The following SPON2 variants were observed in gnomAD, a reference collection of about 807,000 sequenced individuals.
SPON2 encodes spondin-2.
Under a neutral mutation model 29.9 loss-of-function variants are expected in SPON2, and 32 were observed. The ratio of observed to expected loss-of-function variants is 1.07; its 90% CI spans 0.81 to 1.44. The LOEUF (loss-of-function observed/expected upper bound fraction) is 1.44. SPON2 is among the 40% of genes most tolerant of loss of function. The pLI is 0.00. For synonymous variants in SPON2, 248 were observed against 209.1 expected (o/e 1.19, Z -1.61); for missense variants, 541 against 455.5 (o/e 1.19, Z -1.71).
At chr4:1,176,789 C>T (rs545109631), upstream of SPON2, among the ~76,000 whole-genome samples, 183 of 152,280 alleles carry the variant, frequency 1.2e-3, 1 homozygote, top group Non-Finnish European at 1.5e-3. Flanking sequence ...ATCATCCATT[C>T]ATACAGTACA....
At chr4:1,175,345 C>G (rs1408406512), upstream of SPON2, among the ~76,000 whole-genome samples, 1 of 152,254 alleles carries the variant, frequency 6.6e-6, no homozygotes, top group African/African-American at 2.4e-5. Flanking sequence ...CCAGGCTCAC[C>G]CAGTCTCACA....
At chr4:1,180,532 G>T (rs954515822) in intron 1 of SPON2, among the ~76,000 whole-genome samples, 1 of 152,174 alleles carries the variant, frequency 6.6e-6, no homozygotes, top group Non-Finnish European at 1.5e-5. Context: ...AATCGATAGA[G>T]ACTGTCATTG....
chr4:1,174,482 A>G (rs1178036969), upstream of SPON2, among the ~76,000 whole-genome samples: 9 of 91,978 alleles, frequency 9.8e-5, no homozygotes, highest in South Asian at 4.3e-3. Context: ...GCGAGACTCC[A>G]TCTCAAAAAA....
intron 1 of SPON2, among the ~76,000 whole-genome samples, chr4:1,206,291 G>A (rs916153014): frequency 2.0e-5 from 3 of 151,594 alleles, no homozygotes; most frequent in Admixed American, 1.3e-4. Context: ...GTCTGCGGGT[G>A]CCACTCACCC....
chr4:1,170,516 G>A lies in SPON2; in HGVS notation c.697C>T (p.Leu233=), dbSNP rs755812217. ...AGTGTCACCCTGGCGATGGGAGGCA[G>A]GGCCTTCAGCCGCGGGTAGTAGAAG... ...NSFYYPRLKA[L]PPIARVTLVR... The change falls in exon 5 of 6, where the codon CTG becomes TTG. Residue 233 remains leucine (L), a synonymous_variant. Coordinates refer to ENST00000290902, the MANE Select transcript of SPON2 (RefSeq NM_012445.4). 1 of 1,614,026 alleles carries A rather than the reference G, an allele frequency of 6.2e-7. No homozygotes were observed. The highest frequency in any genetic ancestry group is 8.5e-7 in the Non-Finnish European group (1 of 1,179,938).
rs1318536509 is a variant in SPON2, at chr4:1,167,174, CAT to C, written c.*296_*297del. The C allele has an allele frequency of 1.1e-4, 39 of 370,042 alleles. No homozygotes were observed. The highest frequency in any genetic ancestry group is 8.9e-5 in the Non-Finnish European group (18 of 203,202). The allele number at this position is 370,042 out of a possible 1,614,324, so 22.9% of individuals were successfully genotyped here. On this transcript the variant is annotated 3_prime_UTR_variant, in exon 6 of 6. Coordinates refer to ENST00000290902, the MANE Select transcript of SPON2 (RefSeq NM_012445.4). ...GGAGCAGCAATAACTTATAAGGAGACATAATTTAGAGTAGCTGGAGCCTTGGG... is the reference window on the plus strand; with the variant it reads ...GGAGCAGCAATAACTTATAAGGAGACAATTTAGAGTAGCTGGAGCCTTGGG...
intron 1 of SPON2, among the ~76,000 whole-genome samples, chr4:1,194,244 C>T (rs557859877): frequency 6.6e-6 from 1 of 152,286 alleles, no homozygotes; most frequent in Admixed American, 6.5e-5. Flanking sequence ...GGTGTGCGGG[C>T]CTCTTCTGCC....
intron 1 of SPON2, among the ~76,000 whole-genome samples, chr4:1,183,827 A>G (rs1250191489): frequency 6.6e-6 from 1 of 152,252 alleles, no homozygotes; most frequent in African/African-American, 2.4e-5. Context: ...AAGGGAAATG[A>G]GAAAGGAATT....
intron 1 of SPON2, among the ~76,000 whole-genome samples, chr4:1,191,159 A>G (rs1229271370): frequency 2.6e-5 from 4 of 152,046 alleles, no homozygotes; most frequent in Admixed American, 6.5e-5. Flanking sequence ...GATTGCCAAA[A>G]CTACCCAATA....
chr4:1,186,354 G>T (rs1471207314), intron 1 of SPON2, among the ~76,000 whole-genome samples: 1 of 151,746 alleles, frequency 6.6e-6, no homozygotes, highest in Non-Finnish European at 1.5e-5. Flanking sequence ...CCCAGGCTGG[G>T]GTGCAGTGGT....
At chr4:1,169,752 A>T (rs1293850145) in intron 5 of SPON2, 1 of 152,754 alleles carries the variant, frequency 6.5e-6, no homozygotes, top group Non-Finnish European at 1.5e-5. Context: ...TCCCACACCC[A>T]TATCAGGTGA....
intron 5 of SPON2, among the ~76,000 whole-genome samples, chr4:1,169,049 G>A (rs1727336484): frequency 6.6e-6 from 1 of 151,990 alleles, no homozygotes; most frequent in African/African-American, 2.4e-5. Context: ...TCCATGTCCT[G>A]CCTCCTGCTC....
chr4:1,182,620 A>G (rs1727719223), intron 1 of SPON2, among the ~76,000 whole-genome samples: 1 of 152,244 alleles, frequency 6.6e-6, no homozygotes, highest in Non-Finnish European at 1.5e-5. Flanking sequence ...ACAGGGCAAC[A>G]TATGCATTGG....
chr4:1,175,081 C>A (rs527965615), upstream of SPON2, among the ~76,000 whole-genome samples: 4 of 152,224 alleles, frequency 2.6e-5, no homozygotes, highest in Non-Finnish European at 4.4e-5. Context: ...AATCCACAGG[C>A]CTTTTTCCCA....
At chr4:1,186,078 A>C in intron 1 of SPON2, among the ~76,000 whole-genome samples, 1 of 139,194 alleles carries the variant, frequency 7.2e-6, no homozygotes, top group Admixed American at 7.7e-5. Context: ...CCCCATCTCT[A>C]CTAAAAATAC....
upstream of SPON2, among the ~76,000 whole-genome samples, chr4:1,176,610 CAG>C (rs201201164): frequency 0.019 from 2,919 of 151,390 alleles, 46 homozygotes; most frequent in Non-Finnish European, 0.025. Context: ...TCCATTCACA[CAG>C]TACATTCATG....
chr4:1,180,512 G>T (rs1030121867), intron 1 of SPON2, among the ~76,000 whole-genome samples: 3 of 152,118 alleles, frequency 2.0e-5, no homozygotes, highest in African/African-American at 4.8e-5. Flanking sequence ...CTACACATGG[G>T]GAAGAAAGCA....
intron 1 of SPON2, among the ~76,000 whole-genome samples, chr4:1,192,775 T>A (rs1038447539): frequency 6.6e-6 from 1 of 152,088 alleles, no homozygotes; most frequent in Non-Finnish European, 1.5e-5. Flanking sequence ...CAGCCCCACA[T>A]ACACCCCAGG....
rs1169234304 is a variant in SPON2 at position 1,186,307 on chromosome 4, GT to G, written c.-238-6767del. Among the ~76,000 whole-genome samples, 541 of 137,760 alleles carry G rather than the reference GT, an allele frequency of 3.9e-3. 3 individuals are homozygous for G. The highest frequency in any genetic ancestry group is 0.011 in the East Asian group (51 of 4,442). 90.4% of individuals were successfully genotyped at this position (137,760 alleles called of 152,430 possible). On this transcript the variant is annotated intron_variant, in intron 1 of 3. Transcript: ENST00000502483. ...GGCAACTCAAAAGATGGGAGAAAATGTTTTTTTTTTTTTTGAGATGGAGTCT... is the reference window on the plus strand; with the variant it reads ...GGCAACTCAAAAGATGGGAGAAAATGTTTTTTTTTTTTTGAGATGGAGTCT...
Sources: allele counts gnomAD v4.1 joint callset (sites outside exome capture counted in the v4.1 genomes callset), GRCh38; gene constraint gnomAD v4.1.1; transcripts MANE v1.5; gene names NCBI Gene and HGNC (gene_info 2026-07-23, HGNC 2026-07-21).